The following KREMEN1 variants were observed in gnomAD, a reference collection of about 807,000 sequenced individuals.
KREMEN1 encodes kremen protein 1.
A neutral mutation model predicts 46.5 loss-of-function variants in KREMEN1; 30 were observed. That is an observed-to-expected ratio of 0.65 (90% CI 0.48 to 0.88). The LOEUF (loss-of-function observed/expected upper bound fraction) is 0.88. Ranked by LOEUF, KREMEN1 falls within the 40% of genes least tolerant of loss-of-function variation. The pLI is 0.00. For synonymous variants in KREMEN1, 214 were observed against 230.6 expected (o/e 0.93, Z 0.65); for missense variants, 533 against 596.9 (o/e 0.89, Z 1.11).
intron 1 of KREMEN1, among the ~76,000 whole-genome samples, chr22:29,091,255 G>T (rs960399805): frequency 6.6e-6 from 1 of 152,178 alleles, no homozygotes; most frequent in African/African-American, 2.4e-5. Flanking sequence ...TTACAGGCTT[G>T]AGCCACTGTG....
rs75292652 is a variant in KREMEN1, at chr22:29,073,885, G to A, written c.97+658G>A. The stretch of plus-strand genomic sequence containing the variant: ...GTCCTTCATCGACGCACCTTGCACC[G>A]GGACGACTCCCCCGCTACAAGAGGC... On this transcript the variant is annotated intron_variant, in intron 1 of 8. Coordinates refer to ENST00000400335, the MANE Select transcript of KREMEN1 (RefSeq NM_001039570.3). The surrounding 1 kb of genome is among the most constrained non-coding windows in gnomAD (Gnocchi z 4.4). Among the ~76,000 whole-genome samples the A allele has an allele frequency of 6.6e-6, 1 of 152,050 alleles. No homozygotes were observed. Among genetic ancestry groups the A allele is most frequent in the Non-Finnish European group, 1.5e-5 (1 of 67,978 alleles).
intron 5 of KREMEN1, among the ~76,000 whole-genome samples, chr22:29,134,856 G>A (rs991269945): frequency 6.6e-6 from 1 of 151,950 alleles, no homozygotes; most frequent in South Asian, 2.1e-4. Context: ...CAGCTTTGAG[G>A]AGTTCCCACA....
chr22:29,111,405 G>A (rs1194177753), intron 3 of KREMEN1, among the ~76,000 whole-genome samples: 2 of 151,762 alleles, frequency 1.3e-5, no homozygotes, highest in African/African-American at 4.8e-5. Flanking sequence ...GAGGTCAGGA[G>A]ATCGAGACCA....
At chr22:29,116,499 C>T (rs1259375724) in intron 3 of KREMEN1, among the ~76,000 whole-genome samples, 4 of 152,198 alleles carry the variant, frequency 2.6e-5, no homozygotes, top group Admixed American at 6.5e-5. Flanking sequence ...CAAGACCTCA[C>T]TGTCCTATTG....
intron 3 of KREMEN1, chr22:29,099,404 C>G (rs12628791): frequency 0.087 from 13,559 of 155,302 alleles, 817 homozygotes; most frequent in African/African-American, 0.16. Context: ...ATACAAAGCT[C>G]ATGTGGTAGT....
At chr22:29,100,748 G>A (rs1041067242) in intron 3 of KREMEN1, among the ~76,000 whole-genome samples, 1 of 152,166 alleles carries the variant, frequency 6.6e-6, no homozygotes, top group Non-Finnish European at 1.5e-5. Context: ...TCTAGAAGAA[G>A]GCATTGTTTT....
chr22:29,150,854 C>T (rs557950855), downstream of KREMEN1, among the ~76,000 whole-genome samples: 4 of 152,158 alleles, frequency 2.6e-5, no homozygotes, highest in Non-Finnish European at 4.4e-5. Context: ...TCATCTTTGC[C>T]GCAACCCAAC....
chr22:29,150,321 G>A (rs1011578516), downstream of KREMEN1, among the ~76,000 whole-genome samples: 6 of 152,168 alleles, frequency 3.9e-5, no homozygotes, highest in Admixed American at 1.3e-4. Context: ...GTCCCCTCCC[G>A]GTGGTGGTTG....
chr22:29,136,339 C>T (rs1328141604), intron 5 of KREMEN1, among the ~76,000 whole-genome samples: 4 of 151,482 alleles, frequency 2.6e-5, no homozygotes, highest in East Asian at 4.0e-4. Flanking sequence ...TTTGGGAGGC[C>T]GGGACGGGTG....
intron 1 of KREMEN1, among the ~76,000 whole-genome samples, chr22:29,093,663 T>C (rs1350365030): frequency 6.6e-6 from 1 of 152,240 alleles, no homozygotes; most frequent in Non-Finnish European, 1.5e-5. Context: ...GTCTGTTTTG[T>C]TCCACCTCTA....
intron 5 of KREMEN1, among the ~76,000 whole-genome samples, chr22:29,131,536 ATATATATATATATATATATATATATG>A (rs1373977782): frequency 2.4e-4 from 9 of 37,506 alleles, no homozygotes; most frequent in South Asian, 8.4e-4. Flanking sequence ...ATATATATAT[ATATATATATATATATATATATATATG>A]TGTGTGTGTG....
chr22:29,075,466 G>A (rs890529538), intron 1 of KREMEN1, among the ~76,000 whole-genome samples: 3 of 152,162 alleles, frequency 2.0e-5, no homozygotes, highest in African/African-American at 7.2e-5. Context: ...TTATTTAGGA[G>A]TCTGGGGTAG....
intron 5 of KREMEN1, among the ~76,000 whole-genome samples, chr22:29,126,713 C>G (rs1243089761): frequency 6.6e-6 from 1 of 152,132 alleles, no homozygotes; most frequent in Admixed American, 6.5e-5. Context: ...TATAACTGAG[C>G]CTTTTACATG....
At position 29,073,236 on chromosome 22, in the gene KREMEN1, G is replaced by A; in HGVS notation, c.97+9G>A. On this transcript the variant is annotated intron_variant, in intron 1 of 8. Coordinates refer to ENST00000400335, the MANE Select transcript of KREMEN1 (RefSeq NM_001039570.3). This position sits in a 1 kb window ranked among gnomAD's most constrained non-coding sequence, Gnocchi z 4.4. ...CCTCGGCCCCGGACCCGGTGAGTGT[G>A]AGCGACCCCCCGCCGCCCGCCCTGA... is the stretch of plus-strand genomic sequence containing the variant. 1 of 1,137,950 alleles carries A rather than the reference G, an allele frequency of 8.8e-7. No individual in the cohort carries two copies. Among genetic ancestry groups the A allele is most frequent in the Non-Finnish European group, 1.1e-6 (1 of 917,242 alleles). The allele number at this position is 1,137,950 out of a possible 1,614,324, so 70.5% of individuals were successfully genotyped here.
In KREMEN1 at chr22:29,105,478, T is replaced by TACACACAC. The variant is rs10642386; in HGVS notation, c.352+6552_352+6559dup. On this transcript the variant is annotated intron_variant, in intron 3 of 8. Coordinates refer to ENST00000400335, the MANE Select transcript of KREMEN1 (RefSeq NM_001039570.3). The stretch of plus-strand genomic sequence containing the variant: ...GTGCGTGTGCGCACACACACACACA[T>TACACACAC]ACACACACACACACACACACACACA... Among the ~76,000 whole-genome samples the TACACACAC allele has an allele frequency of 8.7e-3, 1,283 of 146,984 alleles. 8 individuals carry two copies. Among genetic ancestry groups the TACACACAC allele is most frequent in the East Asian group, 0.034 (166 of 4,910 alleles).
chr22:29,148,938 G>T (rs561484004), downstream of KREMEN1, among the ~76,000 whole-genome samples: 1 of 152,048 alleles, frequency 6.6e-6, no homozygotes, highest in Non-Finnish European at 1.5e-5. Context: ...CACCGCAGAC[G>T]TGGCTCTCGG....
chr22:29,107,053 C>A (rs2038071335), intron 3 of KREMEN1, among the ~76,000 whole-genome samples: 1 of 152,150 alleles, frequency 6.6e-6, no homozygotes, highest in South Asian at 2.1e-4. Context: ...CCCAGACCAG[C>A]TGTTCTCAGC....
At chr22:29,115,435 T>TAA (rs1556008397) in intron 3 of KREMEN1, among the ~76,000 whole-genome samples, 36 of 90,670 alleles carry the variant, frequency 4.0e-4, no homozygotes, top group East Asian at 4.7e-4. Context: ...CCTATGGAAA[T>TAA]AAAAAAAAAA....
chr22:29,086,737 G>A (rs134638), intron 1 of KREMEN1, among the ~76,000 whole-genome samples: 97,865 of 151,922 alleles, frequency 0.64, 31,717 homozygotes, highest in Middle Eastern at 0.77. Context: ...AATATTTGAC[G>A]GCACTGTCAT....
Sources: allele counts gnomAD v4.1 joint callset (sites outside exome capture counted in the v4.1 genomes callset), GRCh38; gene constraint gnomAD v4.1.1; non-coding constraint Gnocchi (gnomAD v3.1); transcripts MANE v1.5; gene names NCBI Gene and HGNC (gene_info 2026-07-23, HGNC 2026-07-21).